The following BICRA variants were observed in gnomAD, a reference collection of about 807,000 sequenced individuals.
BICRA encodes BRD4 interacting chromatin remodeling complex associated protein.
In BICRA, 31 loss-of-function variants were observed where a neutral mutation model predicts 96.9. That is an observed-to-expected ratio of 0.32 (90% CI 0.24 to 0.43). The LOEUF is 0.43. Ranked by LOEUF, BICRA falls within the 20% of genes least tolerant of loss-of-function variation. The pLI, the probability that BICRA is intolerant of heterozygous loss-of-function variation, is 1.00. For synonymous variants in BICRA, 1,350 were observed against 1,071.8 expected (o/e 1.26, Z -5.07); for missense variants, 2,283 against 2,190.3 (o/e 1.04, Z -0.84).
chr19:47,698,523 C>T lies in BICRA; in HGVS notation c.3249-111C>T, dbSNP rs1293769487. On this transcript the variant is annotated intron_variant, in intron 11 of 14. Coordinates refer to ENST00000594866, the MANE Select transcript of BICRA (RefSeq NM_001394372.1). This position sits in a 1 kb window ranked among gnomAD's most constrained non-coding sequence, Gnocchi z 4.8. Reference sequence around the variant, plus strand: ...ACCACTGCCCAAGTATTCCCCTTCCCGCTGTTGTGTTCAGTTGCGGCCTGG... The same window carrying T: ...ACCACTGCCCAAGTATTCCCCTTCCTGCTGTTGTGTTCAGTTGCGGCCTGG... The T allele has an allele frequency of 5.9e-6, 4 of 678,168 alleles. No homozygotes were observed. The highest frequency in any genetic ancestry group is 4.5e-5 in the Admixed American group (2 of 44,940). 42.0% of individuals were successfully genotyped at this position (678,168 alleles called of 1,614,324 possible). A position where few individuals can be genotyped will look rare whatever the true frequency, so the allele number is the denominator to read the frequency against.
At chr19:47,679,274 C>G (rs1972988401) in intron 5 of BICRA, 47 bp from the exon 6 acceptor site, 2 of 1,377,394 alleles carry the variant, frequency 1.5e-6, no homozygotes, top group Non-Finnish European at 1.9e-6. Context: ...TAAGCGTAGC[C>G]CCTTGCTAAC....
At chr19:47,620,667 CAAAAAAAA>C (rs10675281) in intron 1 of BICRA, among the ~76,000 whole-genome samples, 5 of 67,724 alleles carry the variant, frequency 7.4e-5, no homozygotes, top group African/African-American at 2.6e-4. Flanking sequence ...GAGACTGTCT[CAAAAAAAA>C]AAAAAAAAAA....
chr19:47,680,067 C>T lies in BICRA; in HGVS notation c.897C>T (p.Thr299=). Residue 299 remains threonine (T), a synonymous_variant, in exon 6 of 15, where the codon ACC becomes ACT. Coordinates refer to ENST00000594866, the MANE Select transcript of BICRA (RefSeq NM_001394372.1). The part of the protein sequence containing the change: ...IQKNLSAAVA[T]TLNGNSVFGG... ...AGAACCTCTCGGCCGCTGTGGCCAC[C>T]ACGCTCAATGGGAACTCTGTGTTCG... The T allele has an allele frequency of 6.4e-7, 1 of 1,563,484 alleles. No homozygotes were observed. The highest frequency in any genetic ancestry group is 8.6e-7 in the Non-Finnish European group (1 of 1,165,386).
At chr19:47,658,472 G>A (rs1229306759) in intron 1 of BICRA, among the ~76,000 whole-genome samples, 1 of 151,940 alleles carries the variant, frequency 6.6e-6, no homozygotes. Flanking sequence ...CAGATGACTT[G>A]AGGTCAGGAG....
At chr19:47,622,892 G>T (rs967083175) in intron 1 of BICRA, among the ~76,000 whole-genome samples, 3 of 151,528 alleles carry the variant, frequency 2.0e-5, no homozygotes, top group Non-Finnish European at 2.9e-5. Flanking sequence ...ACAAAAATTA[G>T]CTGGGCATGG....
chr19:47,702,316 G>A lies in BICRA; in HGVS notation c.4584G>A (p.Ser1528=), dbSNP rs139727517. ...CGCCCTCGTACCCCCACGCTGCCTC[G>A]GCCGGCACCCCCGCATCCCCGCCGC... is the stretch of plus-strand genomic sequence containing the variant. ...TPAPSYPHAA[S]AGTPASPPPL... is the part of the protein sequence containing the mutation. Residue 1528 remains serine, a synonymous_variant, in exon 15 of 15, where the codon TCG becomes TCA. Coordinates refer to ENST00000594866, the MANE Select transcript of BICRA (RefSeq NM_001394372.1). 1,035 of 1,565,716 alleles carry A rather than the reference G, an allele frequency of 6.6e-4. 12 individuals carry two copies. The African/African-American group carries it at 0.012, about 19-fold the overall frequency.
chr19:47,632,263 GA>G (rs1972231871), intron 1 of BICRA, among the ~76,000 whole-genome samples: 1 of 152,264 alleles, frequency 6.6e-6, no homozygotes. Flanking sequence ...TTGCATTCCA[GA>G]AAGGCTTCAC....
At chr19:47,658,253 C>G (rs1304963922) in intron 1 of BICRA, among the ~76,000 whole-genome samples, 1 of 152,080 alleles carries the variant, frequency 6.6e-6, no homozygotes, top group East Asian at 1.9e-4. Context: ...TTGTCAGACC[C>G]TGGGCAACTT....
rs1973026408 is a variant in BICRA at position 47,680,536 on chromosome 19, A to G, written c.1366A>G (p.Ser456Gly). ...GAGCGTCCACCTCCTGAACCAAGGCAGCAGCATCGTCATCCCCGCCCAGCA... is the reference window on the plus strand; with the variant it reads ...GAGCGTCCACCTCCTGAACCAAGGCGGCAGCATCGTCATCCCCGCCCAGCA... ...PMSVHLLNQG[S>G]SIVIPAQHML... Residue 456 changes from serine to glycine, a missense_variant, in exon 6 of 15, where the codon AGC (serine) becomes GGC (glycine). By Grantham distance (56) the Ser-to-Gly change is moderately conservative. Transcript: ENST00000594866. 1 of 1,560,982 alleles carries G rather than the reference A, an allele frequency of 6.4e-7. No homozygotes were observed. Among genetic ancestry groups the G allele is most frequent in the Non-Finnish European group, 8.7e-7 (1 of 1,154,270 alleles).
chr19:47,696,640 C>A, intron 11 of BICRA, 128 bp downstream of exon 11: 1 of 769,870 alleles, frequency 1.3e-6, no homozygotes, highest in Non-Finnish European at 2.1e-6. Flanking sequence ...CTCTTGGTAG[C>A]GATGTAGTTC....
At chr19:47,617,858 A>G (rs1055280688) in intron 1 of BICRA, among the ~76,000 whole-genome samples, 1 of 151,780 alleles carries the variant, frequency 6.6e-6, no homozygotes, top group Non-Finnish European at 1.5e-5. Flanking sequence ...TCCAGATATC[A>G]TATCATTTCC....
intron 1 of BICRA, among the ~76,000 whole-genome samples, chr19:47,631,904 C>T (rs913178662): frequency 2.6e-5 from 4 of 152,234 alleles, no homozygotes; most frequent in Middle Eastern, 3.2e-3. Context: ...CCGCTTCACC[C>T]TCCCAAAGTG....
intron 7 of BICRA, among the ~76,000 whole-genome samples, chr19:47,689,797 TGTACCCAAAG>T (rs1296262137): frequency 6.6e-6 from 1 of 152,202 alleles, no homozygotes; most frequent in Non-Finnish European, 1.5e-5. Flanking sequence ...CTCTCCCATT[TGTACCCAAAG>T]GGGAGCTCAT....
chr19:47,641,645 T>C (rs892574858), intron 1 of BICRA, among the ~76,000 whole-genome samples: 1 of 152,088 alleles, frequency 6.6e-6, no homozygotes, highest in Non-Finnish European at 1.5e-5. Flanking sequence ...TTTCAAAAAA[T>C]ATAAAATAAA....
In BICRA at chr19:47,702,699, T is replaced by A. The variant is rs146109612; in HGVS notation, c.*284T>A. 51 of 466,548 alleles carry A rather than the reference T, an allele frequency of 1.1e-4. 1 individual carries two copies. In the East Asian group the frequency reaches 1.5e-3, roughly 13 times the overall value. The allele number at this position is 466,548 out of a possible 1,614,324, so 28.9% of individuals were successfully genotyped here. A position where few individuals can be genotyped will look rare whatever the true frequency, so the allele number is the denominator to read the frequency against. On this transcript the variant is annotated 3_prime_UTR_variant, in exon 15 of 15. Coordinates refer to ENST00000594866, the MANE Select transcript of BICRA (RefSeq NM_001394372.1). Reference sequence around the variant, plus strand: ...TGTTTCTTCCCATTTCCTGGCACACTCTGCCCCTCTGTCCGGGGGACACGC... The same window carrying A: ...TGTTTCTTCCCATTTCCTGGCACACACTGCCCCTCTGTCCGGGGGACACGC...
intron 7 of BICRA, among the ~76,000 whole-genome samples, chr19:47,690,151 G>A (rs1973219540): frequency 6.6e-6 from 1 of 151,884 alleles, no homozygotes; most frequent in African/African-American, 2.4e-5. Flanking sequence ...ACAGGTGCAC[G>A]CCACCATGCC....
At chr19:47,651,564 C>T (rs1183703434) in intron 1 of BICRA, among the ~76,000 whole-genome samples, 1 of 152,138 alleles carries the variant, frequency 6.6e-6, no homozygotes, top group Non-Finnish European at 1.5e-5. Flanking sequence ...TCTGGGAGAG[C>T]AGGGATGACT....
Position 47,680,680 on chromosome 19 carries a change from C to A in BICRA, c.1510C>A (p.His504Asn), listed in dbSNP as rs767725444. The change falls in exon 6 of 15, where the codon CAC becomes AAC. Residue 504 changes from histidine (H) to asparagine (N), a missense_variant. Physicochemically the swap from His to Asn is moderately conservative, Grantham distance 68. Transcript: ENST00000594866. ...GGQILAAAAP[H>N]TGGQLIANPI... ...GCAGATCCTGGCGGCCGCTGCCCCC[C>A]ACACAGGTGGACAGCTCATCGCGAA... 2.6e-5 allele frequency: 41 copies of A among 1,604,332 alleles called. No individual in the cohort carries two copies. Among genetic ancestry groups the A allele is most frequent in the Non-Finnish European group, 3.3e-5 (39 of 1,175,596 alleles).
chr19:47,634,080 C>A (rs559554385), intron 1 of BICRA, among the ~76,000 whole-genome samples: 2 of 152,200 alleles, frequency 1.3e-5, no homozygotes, highest in Non-Finnish European at 2.9e-5. Context: ...CTGCACACAC[C>A]GTTTGGCATC....
Sources: gnomAD v4.1 joint callset for allele counts (sites outside exome capture counted in the v4.1 genomes callset) on GRCh38, gnomAD v4.1.1 for gene constraint, Gnocchi (gnomAD v3.1) non-coding constraint, MANE v1.5 for transcripts, NCBI Gene and HGNC (gene_info 2026-07-23, HGNC 2026-07-21) for gene names.